The following RERE variants were observed in gnomAD, a reference collection of about 807,000 sequenced individuals.
RERE encodes arginine-glutamic acid dipeptide repeats.
RERE carries 40 observed loss-of-function variants against 146.1 expected under a neutral mutation model. That is an observed-to-expected ratio of 0.27 (90% CI 0.21 to 0.36). The LOEUF (loss-of-function observed/expected upper bound fraction) is 0.36. Among genes scored for constraint, RERE ranks in the 10% least tolerant of loss-of-function variants. The probability of loss-of-function intolerance (pLI) is 1.00; values close to 1 mark genes in which losing one functional copy is unlikely to be tolerated. For synonymous variants in RERE, 1,003 were observed against 866.0 expected, an observed-to-expected ratio of 1.16 and a Z score of -2.78; for missense variants, 1,933 against 2,138.7, an observed-to-expected ratio of 0.90 and a Z score of 1.90.
At chr1:8,587,827 T>C (rs1251590417) in intron 4 of RERE, among the ~76,000 whole-genome samples, 1 of 152,176 alleles carries the variant, frequency 6.6e-6, no homozygotes, top group Non-Finnish European at 1.5e-5. Context: ...TCAAATTCTT[T>C]CCAACCTTGT....
intron 2 of RERE, among the ~76,000 whole-genome samples, chr1:8,645,308 T>C (rs1057251910): frequency 6.6e-6 from 1 of 152,208 alleles, no homozygotes; most frequent in African/African-American, 2.4e-5. Context: ...TCTGTTCTTC[T>C]TGAACTGCAT....
intron 9 of RERE, among the ~76,000 whole-genome samples, 195 bp downstream of exon 9, chr1:8,497,210 A>AT (rs1280875657): frequency 6.6e-6 from 1 of 152,202 alleles, no homozygotes; most frequent in African/African-American, 2.4e-5. Context: ...TTACTTCATC[A>AT]TGAAAAAAAT....
intron 12 of RERE, among the ~76,000 whole-genome samples, chr1:8,395,008 G>T (rs374998666): frequency 6.6e-6 from 1 of 152,080 alleles, no homozygotes; most frequent in Non-Finnish European, 1.5e-5. Flanking sequence ...AAATAAAAAA[G>T]AAAACATATT....
At chr1:8,562,885 G>T (rs561327225) in intron 4 of RERE, among the ~76,000 whole-genome samples, 3 of 152,228 alleles carry the variant, frequency 2.0e-5, no homozygotes, top group Admixed American at 1.3e-4. Context: ...TTAGAAAAAA[G>T]ATCCTTATGG....
intron 7 of RERE, among the ~76,000 whole-genome samples, chr1:8,510,201 C>A (rs542819609): frequency 6.6e-6 from 1 of 151,992 alleles, no homozygotes; most frequent in South Asian, 2.1e-4. Context: ...CAGAACAGGC[C>A]GATGCCCGTA....
chr1:8,561,130 T>C (rs1412159137), intron 4 of RERE, among the ~76,000 whole-genome samples: 1 of 152,222 alleles, frequency 6.6e-6, no homozygotes, highest in Admixed American at 6.5e-5. Context: ...ACAAATAAAT[T>C]AACTGCTTTG....
intron 1 of RERE, among the ~76,000 whole-genome samples, chr1:8,761,299 C>A (rs377340499): frequency 6.6e-6 from 1 of 152,270 alleles, no homozygotes; most frequent in East Asian, 1.9e-4. Context: ...TATTCCACCT[C>A]GGGGCTTCAA....
In RERE at chr1:8,426,480, C is replaced by T. The variant is rs1445480253; in HGVS notation, c.1204-3673G>A. On this transcript the variant is annotated intron_variant, in intron 11 of 22. Transcript: ENST00000400908. Reference sequence around the variant, plus strand: ...AAAAAAAAAAAAAAGTGTCTTTCAACGCCCTCCTTTCCTGCTCATGCTAGT... The same window carrying T: ...AAAAAAAAAAAAAAGTGTCTTTCAATGCCCTCCTTTCCTGCTCATGCTAGT... Among the ~76,000 whole-genome samples, 10 of 151,424 alleles carry T rather than the reference C, an allele frequency of 6.6e-5. No individual in the cohort carries two copies. In the South Asian group the frequency reaches 1.3e-3, roughly 19 times the overall value.
At chr1:8,655,831 C>T in intron 2 of RERE, 142 bp downstream of exon 2, 1 of 1,449,338 alleles carries the variant, frequency 6.9e-7, no homozygotes, top group Non-Finnish European at 9.2e-7. Context: ...AAAAGTGGGT[C>T]ACATGTTTAC....
At chr1:8,436,886 C>T (rs1293890975) in intron 11 of RERE, among the ~76,000 whole-genome samples, 5 of 152,096 alleles carry the variant, frequency 3.3e-5, no homozygotes, top group African/African-American at 1.2e-4. Context: ...ATTGCAGATG[C>T]TCAACAGCCA....
At chr1:8,770,037 G>A (rs930947410) in intron 1 of RERE, among the ~76,000 whole-genome samples, 2 of 152,054 alleles carry the variant, frequency 1.3e-5, no homozygotes, top group Admixed American at 6.6e-5. Flanking sequence ...TAATCCACCC[G>A]CTTCAGCCTC....
At chr1:8,416,578 T>A in intron 12 of RERE, among the ~76,000 whole-genome samples, 1 of 105,000 alleles carries the variant, frequency 9.5e-6, no homozygotes, top group Admixed American at 1.3e-4. Flanking sequence ...AGAGCGAGAC[T>A]CCATCTCCAA....
intron 15 of RERE, chr1:8,363,631 T>C (rs1641682440): frequency 5.0e-6 from 1 of 200,802 alleles, no homozygotes; most frequent in Non-Finnish European, 1.0e-5. Flanking sequence ...GGAGGAGCTA[T>C]GCAGTGAGCA....
intron 4 of RERE, among the ~76,000 whole-genome samples, chr1:8,568,836 T>C (rs999293661): frequency 1.3e-5 from 2 of 152,222 alleles, no homozygotes; most frequent in Non-Finnish European, 2.9e-5. Flanking sequence ...CTCATCTGTC[T>C]GTCTATCCAT....
chr1:8,430,715 T>C (rs1644084501), intron 11 of RERE, among the ~76,000 whole-genome samples: 1 of 152,264 alleles, frequency 6.6e-6, no homozygotes, highest in African/African-American at 2.4e-5. Context: ...TTCAGGCTTC[T>C]GTGCAGAGTG....
chr1:8,368,584 C>T (rs1226442805), intron 12 of RERE, among the ~76,000 whole-genome samples: 2 of 151,738 alleles, frequency 1.3e-5, no homozygotes, highest in Admixed American at 1.3e-4. Context: ...GAAGGTGGTA[C>T]CTGAGCCTCT....
chr1:8,388,151 T>C (rs1340813015), intron 12 of RERE, among the ~76,000 whole-genome samples: 1 of 152,076 alleles, frequency 6.6e-6, no homozygotes, highest in Admixed American at 6.5e-5. Flanking sequence ...ACTCCATTCA[T>C]AGGAAGTTCA....
intron 1 of RERE, among the ~76,000 whole-genome samples, chr1:8,815,246 G>T (rs2124612176): frequency 6.6e-6 from 1 of 152,206 alleles, no homozygotes; most frequent in South Asian, 2.1e-4. Flanking sequence ...AAACAACATT[G>T]ACAGCTCAAT....
intron 1 of RERE, among the ~76,000 whole-genome samples, chr1:8,679,398 C>A (rs1638914851): frequency 6.6e-6 from 1 of 152,166 alleles, no homozygotes; most frequent in Admixed American, 6.5e-5. Context: ...TTTTTTTCCA[C>A]TACCTTTATC....
Sources: allele counts gnomAD v4.1 joint callset (sites outside exome capture counted in the v4.1 genomes callset), GRCh38; gene constraint gnomAD v4.1.1; transcripts MANE v1.5; gene names NCBI Gene and HGNC (gene_info 2026-07-23, HGNC 2026-07-21).